SEMA3C: variants seen among roughly 807,000 people sequenced by gnomAD.
SEMA3C encodes semaphorin 3C.
A neutral mutation model predicts 89.4 loss-of-function variants in SEMA3C; 47 were observed. That is an observed-to-expected ratio of 0.53 (90% CI 0.42 to 0.67). The LOEUF (loss-of-function observed/expected upper bound fraction) is 0.67. Ranked by LOEUF, SEMA3C falls within the 30% of genes least tolerant of loss-of-function variation. The probability of loss-of-function intolerance (pLI) is 0.00; values close to 1 mark genes in which losing one functional copy is unlikely to be tolerated. For synonymous variants in SEMA3C, 310 were observed against 320.2 expected, an observed-to-expected ratio of 0.97 and a Z score of 0.34; for missense variants, 839 against 929.1, an observed-to-expected ratio of 0.90 and a Z score of 1.26.
chr7:80,894,971 T>C (rs1022563458), intron 2 of SEMA3C, among the ~76,000 whole-genome samples: 12 of 152,156 alleles, frequency 7.9e-5, no homozygotes, highest in Non-Finnish European at 4.4e-5. Flanking sequence ...CCAGATTAGA[T>C]GATTCTAATG....
chr7:80,825,416 T>G (rs1789849144), intron 4 of SEMA3C, among the ~76,000 whole-genome samples: 1 of 152,188 alleles, frequency 6.6e-6, no homozygotes, highest in African/African-American at 2.4e-5. Flanking sequence ...ACTGGCCATA[T>G]AGTAGAATTT....
At chr7:80,821,558 T>C (rs1400984030) in intron 4 of SEMA3C, among the ~76,000 whole-genome samples, 1 of 152,236 alleles carries the variant, frequency 6.6e-6, no homozygotes, top group Non-Finnish European at 1.5e-5. Context: ...TAGCTGGGAC[T>C]ACAGGCATGT....
intron 2 of SEMA3C, among the ~76,000 whole-genome samples, chr7:80,883,398 T>G (rs1324536333): frequency 2.6e-5 from 4 of 152,214 alleles, no homozygotes; most frequent in Non-Finnish European, 4.4e-5. Context: ...GGAGTGTCTG[T>G]GTTTGAACTG....
intron 2 of SEMA3C, among the ~76,000 whole-genome samples, chr7:80,855,303 T>C (rs1270199427): frequency 6.6e-6 from 1 of 152,186 alleles, no homozygotes; most frequent in Admixed American, 6.5e-5. Flanking sequence ...CATTTTATTA[T>C]TATTGAGACA....
chr7:80,765,342 T>C (rs891224092), intron 12 of SEMA3C, 99 bp from the exon 13 acceptor site: 1 of 828,394 alleles, frequency 1.2e-6, no homozygotes, highest in South Asian at 1.7e-5. Flanking sequence ...TACATAAGTA[T>C]TTAGTAATCA....
chr7:80,900,747 G>T lies in SEMA3C; in HGVS notation c.103+15932C>A, dbSNP rs1354902277. ...GGTTGGGAGGGCCCATTCACTACTGGCCTGTAAATCGTGCACAGACTAAAA... is the reference window on the plus strand; with the variant it reads ...GGTTGGGAGGGCCCATTCACTACTGTCCTGTAAATCGTGCACAGACTAAAA... On this transcript the variant is annotated intron_variant, in intron 2 of 17. Coordinates refer to ENST00000265361, the MANE Select transcript of SEMA3C (RefSeq NM_006379.5). 2.0e-5 allele frequency among the ~76,000 whole-genome samples: 3 copies of T among 152,110 alleles called. No individual in the cohort carries two copies. The East Asian group carries it at 5.8e-4, about 29-fold the overall frequency.
chr7:80,747,836 T>G (rs576098372), intron 17 of SEMA3C, among the ~76,000 whole-genome samples: 16 of 152,298 alleles, frequency 1.1e-4, no homozygotes, highest in African/African-American at 3.6e-4. Context: ...CTGCAAGTAG[T>G]CATCTGCTTA....
chr7:80,868,560 C>T (rs985252972), intron 2 of SEMA3C, among the ~76,000 whole-genome samples: 1 of 152,162 alleles, frequency 6.6e-6, no homozygotes, highest in African/African-American at 2.4e-5. Flanking sequence ...TGAGCCACTG[C>T]ACCCGGCCCC....
At chr7:80,779,397 G>A (rs1338084425) in intron 12 of SEMA3C, among the ~76,000 whole-genome samples, 1 of 152,054 alleles carries the variant, frequency 6.6e-6, no homozygotes, top group East Asian at 1.9e-4. Context: ...CTCTTACCTT[G>A]ATCAGTCAAT....
At position 80,904,457 on chromosome 7, in the gene SEMA3C, C is replaced by T. The variant is rs545587562; in HGVS notation, c.103+12222G>A. Among the ~76,000 whole-genome samples the T allele has an allele frequency of 8.4e-4, 128 of 152,312 alleles. 1 individual carries two copies. Among genetic ancestry groups the T allele is most frequent in the Non-Finnish European group, 1.4e-3 (98 of 68,034 alleles). On this transcript the variant is annotated intron_variant, in intron 2 of 17. Coordinates refer to ENST00000265361, the MANE Select transcript of SEMA3C (RefSeq NM_006379.5). The stretch of plus-strand genomic sequence containing the variant: ...ATCATGGCTTTGAAATGGATCTTCA[C>T]ATTCCACACAGAGTAAGTGAAGGGT...
At chr7:80,786,644 C>G (rs114914971) in intron 12 of SEMA3C, among the ~76,000 whole-genome samples, 1 of 152,210 alleles carries the variant, frequency 6.6e-6, no homozygotes, top group African/African-American at 2.4e-5. Context: ...AAGGCTGTAT[C>G]TGTAGAGAAC....
chr7:80,881,099 T>C (rs1006637994), intron 2 of SEMA3C, among the ~76,000 whole-genome samples: 1 of 151,930 alleles, frequency 6.6e-6, no homozygotes, highest in African/African-American at 2.4e-5. Flanking sequence ...CGATGTTGTT[T>C]CTGATAAAGA....
chr7:80,758,435 G>C lies in SEMA3C; in HGVS notation c.1539C>G (p.Arg513=). 1 of 1,614,016 alleles carries C rather than the reference G, an allele frequency of 6.2e-7. No homozygotes were observed. Among genetic ancestry groups the C allele is most frequent in the Non-Finnish European group, 8.5e-7 (1 of 1,179,932 alleles). ...CACAGGCTGTACCATAGATGTGGCA[G>C]CGGTGCAGAGATACCTGGGAAACCC... ...NEGVSQVSLH[R]CHIYGTACAD... The change falls in exon 15 of 18, where the codon CGC becomes CGG. Residue 513 remains arginine (R), a synonymous_variant. Transcript: ENST00000265361.
intron 2 of SEMA3C, among the ~76,000 whole-genome samples, chr7:80,885,063 C>T (rs976528833): frequency 3.9e-5 from 6 of 152,078 alleles, no homozygotes; most frequent in Admixed American, 2.6e-4. Flanking sequence ...ATAAGATTAT[C>T]GTTTTGTGAT....
At chr7:80,900,287 G>C (rs1377310330) in intron 2 of SEMA3C, among the ~76,000 whole-genome samples, 2 of 151,896 alleles carry the variant, frequency 1.3e-5, no homozygotes, top group African/African-American at 2.4e-5. Flanking sequence ...CTAATTTTTT[G>C]TATTTTTAGG....
At chr7:80,832,989 C>G (rs180744354) in intron 2 of SEMA3C, among the ~76,000 whole-genome samples, 38 of 152,210 alleles carry the variant, frequency 2.5e-4, no homozygotes, top group African/African-American at 8.2e-4. Context: ...TTTTCCAAAC[C>G]ATTATTTTTT....
At position 80,823,360 on chromosome 7, in the gene SEMA3C, A is replaced by G. The variant is rs867475489; in HGVS notation, c.327+4065T>C. On this transcript the variant is annotated intron_variant, in intron 4 of 17. Coordinates refer to ENST00000265361, the MANE Select transcript of SEMA3C (RefSeq NM_006379.5). ...TTAAGTCTCCAAGGTCGAAGAGCTA[A>G]TAAGAGATGGTTTATTTTCTGTTGC... Among the ~76,000 whole-genome samples, 8 of 152,330 alleles carry G rather than the reference A, an allele frequency of 5.3e-5. No individual in the cohort carries two copies. In the South Asian group the frequency reaches 1.7e-3, roughly 32 times the overall value.
chr7:80,804,818 A>C (rs937314438), intron 7 of SEMA3C, among the ~76,000 whole-genome samples: 5 of 152,164 alleles, frequency 3.3e-5, no homozygotes, highest in Admixed American at 6.5e-5. Context: ...GTAAATGAAC[A>C]ATCAATGCTT....
chr7:80,879,783 C>T (rs1791290953), intron 2 of SEMA3C, among the ~76,000 whole-genome samples: 1 of 152,056 alleles, frequency 6.6e-6, no homozygotes, highest in African/African-American at 2.4e-5. Flanking sequence ...ATAGAATAAG[C>T]ATAACAGGAG....
Sources: gnomAD v4.1 joint callset for allele counts (sites outside exome capture counted in the v4.1 genomes callset) on GRCh38, gnomAD v4.1.1 for gene constraint, MANE v1.5 for transcripts, NCBI Gene and HGNC (gene_info 2026-07-23, HGNC 2026-07-21) for gene names.